Variants in NUTM1 observed in about 807,000 individuals in gnomAD.
NUTM1 encodes the protein NUT family member 1.
NUTM1 carries 39 observed loss-of-function variants against 88.7 expected under a neutral mutation model. That is an observed-to-expected ratio of 0.44 (90% CI 0.34 to 0.57). The LOEUF is 0.57. NUTM1 is among the 20% of genes least tolerant of loss of function. NUTM1 has a pLI of 0.01. For missense variants in NUTM1, 1,350 were observed against 1,414.5 expected, an observed-to-expected ratio of 0.95 and a Z score of 0.73; for synonymous variants, 494 against 538.0, an observed-to-expected ratio of 0.92 and a Z score of 1.13.
chr15:34,356,123 A>G lies in NUTM1; in HGVS notation c.2115A>G (p.Leu705=). ...RGVLPQGKEP[L]AVPWEGSSGA... is the part of the protein sequence containing the mutation. ...TGCTTCCTCAAGGGAAGGAGCCTTT[A>G]GCAGTGCCCTGGGAAGGCTCTTCAG... The change falls in exon 8 of 8, where the codon TTA becomes TTG. Residue 705 remains leucine, a synonymous_variant. Transcript: ENST00000537011. The G allele has an allele frequency of 6.2e-7, 1 of 1,613,498 alleles. No individual in the cohort carries two copies. The highest frequency in any genetic ancestry group is 1.1e-5 in the South Asian group (1 of 91,058).
chr15:34,343,734 A>C (rs966318081), intron 1 of NUTM1, 32 bp downstream of exon 1: 1 of 1,529,144 alleles, frequency 6.5e-7, no homozygotes, highest in Admixed American at 2.0e-5. Context: ...AATAAAGTGC[A>C]CCTTCTAGGA....
At position 34,343,572 on chromosome 15, in the gene NUTM1, T is replaced by C; in HGVS notation, c.-125T>C. 3 of 1,532,964 alleles carry C rather than the reference T, an allele frequency of 2.0e-6. No homozygotes were observed. The highest frequency in any genetic ancestry group is 2.6e-6 in the Non-Finnish European group (3 of 1,144,858). 95.0% of individuals were successfully genotyped at this position (1,532,964 alleles called of 1,614,324 possible). Reference sequence around the variant, plus strand: ...AAGCGTTGGCGGTAAAGAATGCATGTTGAGTATCAATATTCCGTAAAGCGA... The same window carrying C: ...AAGCGTTGGCGGTAAAGAATGCATGCTGAGTATCAATATTCCGTAAAGCGA... On this transcript the variant is annotated 5_prime_UTR_variant, in exon 1 of 8. Coordinates refer to ENST00000537011, the MANE Select transcript of NUTM1 (RefSeq NM_001284292.2).
rs746271175 is a variant in NUTM1, at chr15:34,357,087, A to C, written c.3079A>C (p.Arg1027=). The change falls in exon 8 of 8, where the codon AGG becomes CGG. Residue 1027 remains arginine, a synonymous_variant. Transcript: ENST00000537011. Reference sequence around the variant, plus strand: ...TAGTAAAACACACAGGTCAGCAGACAGGGCCAAAGGAAAGGAGAAAAAGAA... The same window carrying C: ...TAGTAAAACACACAGGTCAGCAGACCGGGCCAAAGGAAAGGAGAAAAAGAA... ...SVSKTHRSAD[R]AKGKEKKKKE... The C allele has an allele frequency of 6.2e-7, 1 of 1,614,128 alleles. No homozygotes were observed. The highest frequency in any genetic ancestry group is 8.5e-7 in the Non-Finnish European group (1 of 1,180,006).
chr15:34,349,309 C>T (rs1223753982), intron 3 of NUTM1, among the ~76,000 whole-genome samples: 1 of 152,162 alleles, frequency 6.6e-6, no homozygotes, highest in African/African-American at 2.4e-5. Flanking sequence ...TCAGTTTTCT[C>T]AGTTAAAAAG....
At position 34,357,280 on chromosome 15, in the gene NUTM1, G is replaced by A; in HGVS notation, c.3272G>A (p.Ser1091Asn). 3.1e-6 allele frequency: 5 copies of A among 1,614,130 alleles called. No individual in the cohort carries two copies. The highest frequency in any genetic ancestry group is 4.2e-6 in the Non-Finnish European group (5 of 1,180,022). The change falls in exon 8 of 8, where the codon AGC becomes AAC. Residue 1091 changes from serine (S) to asparagine (N), a missense_variant. Ser to Asn is a conservative substitution (Grantham distance 46, BLOSUM62 1). Around this residue, in one of 5 missense-constraint regions of NUTM1, gnomAD observed 730 missense variants for 728.8 expected, o/e 1.00. Coordinates refer to ENST00000537011, the MANE Select transcript of NUTM1 (RefSeq NM_001284292.2). ...CTCCCTGCTGGAGCAAAAGGCCCCA[G>A]CAAACTTCCATATCCTGTTGCCAAG... is the stretch of plus-strand genomic sequence containing the variant. Reference protein sequence around the residue: ...HLLPAGAKGPSKLPYPVAKSG... With the variant: ...HLLPAGAKGPNKLPYPVAKSG...
rs926297777 is a variant in NUTM1, at chr15:34,357,620, T to A, written c.*129T>A. On this transcript the variant is annotated 3_prime_UTR_variant, in exon 8 of 8. Coordinates refer to ENST00000537011, the MANE Select transcript of NUTM1 (RefSeq NM_001284292.2). The stretch of plus-strand genomic sequence containing the variant: ...TCTCATCCCAATGTTGTTTTGTTGT[T>A]CTGCAAAAGTGGCAAGCATGGAGAG... The A allele has an allele frequency of 6.4e-7, 1 of 1,563,050 alleles. No individual in the cohort carries two copies. The highest frequency in any genetic ancestry group is 1.7e-4 in the Middle Eastern group (1 of 6,000).
intron 4 of NUTM1, 76 bp downstream of exon 4, chr15:34,350,908 G>A: frequency 1.3e-6 from 2 of 1,560,910 alleles, no homozygotes; most frequent in Non-Finnish European, 1.8e-6. Context: ...AGAGACTTGT[G>A]TGGGGGTGAT....
In NUTM1 at chr15:34,351,606, T is replaced by C. The variant is rs73376037; in HGVS notation, c.938+774T>C. ...ATTGGAGATTGGACCCCGATAGATATAGAAATTTCATGCTGAAGGGACCTA... is the reference window on the plus strand; with the variant it reads ...ATTGGAGATTGGACCCCGATAGATACAGAAATTTCATGCTGAAGGGACCTA... On this transcript the variant is annotated intron_variant, in intron 4 of 7. Transcript: ENST00000537011. Among the ~76,000 whole-genome samples, 1,017 of 152,110 alleles carry C rather than the reference T, an allele frequency of 6.7e-3. 17 individuals carry two copies. Among genetic ancestry groups the C allele is most frequent in the African/African-American group, 0.024 (978 of 41,508 alleles).
chr15:34,345,886 T>C, intron 1 of NUTM1, 56 bp from the exon 2 acceptor site: 2 of 1,600,780 alleles, frequency 1.2e-6, no homozygotes, highest in Non-Finnish European at 1.7e-6. Flanking sequence ...TCTAGTTCTG[T>C]GTGATCTGAT....
chr15:34,356,384 C>T lies in NUTM1; in HGVS notation c.2376C>T (p.Ser792=), dbSNP rs1180345783. ...EYQEGCQGLG[S]RGNISLGPGE... is the part of the protein sequence containing the mutation. The stretch of plus-strand genomic sequence containing the variant: ...AGGAAGGCTGCCAGGGACTGGGCTC[C>T]AGGGGCAACATTTCCCTGGGTCCTG... The change falls in exon 8 of 8, where the codon TCC becomes TCT. Residue 792 remains serine, a synonymous_variant. Coordinates refer to ENST00000537011, the MANE Select transcript of NUTM1 (RefSeq NM_001284292.2). 3.1e-6 allele frequency: 5 copies of T among 1,612,972 alleles called. No individual in the cohort carries two copies. In the South Asian group the frequency reaches 4.4e-5, roughly 14 times the overall value.
chr15:34,356,489 G>C lies in NUTM1; in HGVS notation c.2481G>C (p.Lys827Asn). 6.2e-7 allele frequency: 1 copy of C among 1,613,928 alleles called. No individual in the cohort carries two copies. Among genetic ancestry groups the C allele is most frequent in the Non-Finnish European group, 8.5e-7 (1 of 1,179,926 alleles). ...CAGTTGCGGCAGCTGCCCTAGAAAAGAGAAACTATTGCAGCTTGCCAGGAC... is the reference window on the plus strand; with the variant it reads ...CAGTTGCGGCAGCTGCCCTAGAAAACAGAAACTATTGCAGCTTGCCAGGAC... Reference protein sequence around the residue: ...GGTVAAAALEKRNYCSLPGPL... With the variant: ...GGTVAAAALENRNYCSLPGPL... Residue 827 changes from lysine (K) to asparagine (N), a missense_variant, in exon 8 of 8, where the codon AAG becomes AAC. Transcript: ENST00000537011.
Position 34,347,959 on chromosome 15 carries a change from G to T in NUTM1, c.101-10G>T, listed in dbSNP as rs1338296301. 1.3e-6 allele frequency: 2 copies of T among 1,562,926 alleles called. No homozygotes were observed. The highest frequency in any genetic ancestry group is 1.7e-6 in the Non-Finnish European group (2 of 1,144,584). Reference sequence around the variant, plus strand: ...CCTACTCCATTTCTTCTTTTTCTTTGTCTCAACAGCATCTGCATTGCCGGG... The same window carrying T: ...CCTACTCCATTTCTTCTTTTTCTTTTTCTCAACAGCATCTGCATTGCCGGG... On this transcript the variant is annotated splice_polypyrimidine_tract_variant and intron_variant, in intron 2 of 7. Transcript: ENST00000537011.
At chr15:34,345,919 C>T in intron 1 of NUTM1, 23 bp from the exon 2 acceptor site, 1 of 1,613,152 alleles carries the variant, frequency 6.2e-7, no homozygotes, top group Non-Finnish European at 8.5e-7. Flanking sequence ...TTCCTTGGAT[C>T]CCTGTGCACC....
chr15:34,353,712 C>T (rs372919905), intron 4 of NUTM1, 24 bp from the exon 5 acceptor site: 1 of 1,613,912 alleles, frequency 6.2e-7, no homozygotes, highest in Non-Finnish European at 8.5e-7. Flanking sequence ...TCAGCATTGC[C>T]TATGCCTTTC....
chr15:34,345,848 C>A, intron 1 of NUTM1, 94 bp from the exon 2 acceptor site: 11 of 1,513,678 alleles, frequency 7.3e-6, no homozygotes, highest in Non-Finnish European at 9.8e-6. Context: ...CTCCCCTCCC[C>A]CACAGCAGAA....
At chr15:34,344,049 G>T (rs1019193601) in intron 1 of NUTM1, among the ~76,000 whole-genome samples, 1 of 145,890 alleles carries the variant, frequency 6.9e-6, no homozygotes, top group African/African-American at 2.6e-5. Flanking sequence ...GCGAAACCCC[G>T]TCTCTACTAA....
chr15:34,344,223 T>C lies in NUTM1; in HGVS notation c.6+521T>C, dbSNP rs183657833. On this transcript the variant is annotated intron_variant, in intron 1 of 7. Transcript: ENST00000537011. ...GGTCCGTCTTAAAGAAAAAAAAATA[T>C]GGTTTGTGGCTGGGCGCGGTGGCTC... 4.7e-3 allele frequency among the ~76,000 whole-genome samples: 650 copies of C among 139,614 alleles called. 5 individuals carry two copies. Among genetic ancestry groups the C allele is most frequent in the African/African-American group, 0.017 (608 of 36,600 alleles). 91.6% of individuals were successfully genotyped at this position (139,614 alleles called of 152,430 possible). A position where few individuals can be genotyped will look rare whatever the true frequency, so the allele number is the denominator to read the frequency against.
At position 34,357,612 on chromosome 15, in the gene NUTM1, TTTG is replaced by T. The variant is rs1890845479; in HGVS notation, c.*127_*129del. On this transcript the variant is annotated 3_prime_UTR_variant, in exon 8 of 8. Coordinates refer to ENST00000537011, the MANE Select transcript of NUTM1 (RefSeq NM_001284292.2). ...ATGTTGAATCTCATCCCAATGTTGT[TTTG>T]TTGTTCTGCAAAAGTGGCAAGCATG... is the stretch of plus-strand genomic sequence containing the variant. 6.3e-7 allele frequency: 1 copy of T among 1,580,226 alleles called. No homozygotes were observed. Among genetic ancestry groups the T allele is most frequent in the Non-Finnish European group, 8.6e-7 (1 of 1,162,016 alleles).
Position 34,357,491 on chromosome 15 carries a change from G to C in NUTM1, c.3483G>C (p.Ter1161TyrextTer20). Residue 1161 changes from the stop codon to tyrosine (Y), a stop_lost, in exon 8 of 8, where the codon TAG becomes TAC. Coordinates refer to ENST00000537011, the MANE Select transcript of NUTM1 (RefSeq NM_001284292.2). ...GRRKKRRRSQ[*>Y] Reference sequence around the variant, plus strand: ...GGAAGAAACGACGTCGTAGCCAGTAGGGAGCAGCGGGACCATCTGACCCCA... The same window carrying C: ...GGAAGAAACGACGTCGTAGCCAGTACGGAGCAGCGGGACCATCTGACCCCA... The C allele has an allele frequency of 6.2e-7, 1 of 1,612,594 alleles. No individual in the cohort carries two copies. The highest frequency in any genetic ancestry group is 8.5e-7 in the Non-Finnish European group (1 of 1,179,502).
Sources: gnomAD v4.1 joint callset for allele counts (sites outside exome capture counted in the v4.1 genomes callset) on GRCh38, gnomAD v4.1.1 for gene constraint, gnomAD v4.1.1 regional missense constraint, MANE v1.5 for transcripts, NCBI Gene and HGNC (gene_info 2026-07-23, HGNC 2026-07-21) for gene names.